Variants in PDLIM5 observed in about 807,000 individuals in gnomAD.
PDLIM5 encodes PDZ and LIM domain 5, also known as PDZ and LIM domain protein 5.
In PDLIM5, 34 loss-of-function variants were observed where a neutral mutation model predicts 64.2. The observed-to-expected ratio is 0.53, with a 90% confidence interval of 0.40 to 0.71. The LOEUF (loss-of-function observed/expected upper bound fraction) is 0.71. Among genes scored for constraint, PDLIM5 ranks in the 30% least tolerant of loss-of-function variants. The probability of loss-of-function intolerance (pLI) is 0.00; values close to 1 mark genes in which losing one functional copy is unlikely to be tolerated. For missense variants in PDLIM5, 683 were observed against 733.6 expected (o/e 0.93, Z 0.80); for synonymous variants, 253 against 269.1 (o/e 0.94, Z 0.59).
intron 3 of PDLIM5, among the ~76,000 whole-genome samples, chr4:94,568,103 G>A (rs1473655404): frequency 6.6e-6 from 1 of 152,204 alleles, no homozygotes; most frequent in Admixed American, 6.5e-5. Context: ...AAAGAGGCAT[G>A]GTCATGTAGA....
chr4:94,638,129 TA>T (rs1422586668), intron 8 of PDLIM5, among the ~76,000 whole-genome samples: 1 of 152,156 alleles, frequency 6.6e-6, no homozygotes, highest in Non-Finnish European at 1.5e-5. Context: ...TTAAAGATAA[TA>T]ACAGGTGTTA....
intron 3 of PDLIM5, among the ~76,000 whole-genome samples, chr4:94,540,369 C>T (rs1578336446): frequency 6.6e-6 from 1 of 152,206 alleles, no homozygotes; most frequent in South Asian, 2.1e-4. Context: ...CCGCCCGCCT[C>T]GGCCTCCCGA....
At chr4:94,460,641 A>C (rs937816782) in intron 2 of PDLIM5, among the ~76,000 whole-genome samples, 19 of 152,020 alleles carry the variant, frequency 1.2e-4, no homozygotes, top group African/African-American at 4.1e-4. Context: ...AAGAAAAAAA[A>C]AAAGGTAAGA....
At chr4:94,580,992 A>G (rs970777147) in intron 5 of PDLIM5, among the ~76,000 whole-genome samples, 30 of 152,132 alleles carry the variant, frequency 2.0e-4, no homozygotes, top group African/African-American at 7.2e-4. Context: ...ATAAACCTGT[A>G]TTTGTGTAGT....
chr4:94,514,414 G>A (rs1035564020), intron 2 of PDLIM5, among the ~76,000 whole-genome samples: 6 of 152,050 alleles, frequency 3.9e-5, no homozygotes, highest in South Asian at 2.1e-4. Context: ...GATTACAGGC[G>A]TGAGCCACTT....
intron 3 of PDLIM5, among the ~76,000 whole-genome samples, chr4:94,566,438 CAGAAAT>C (rs1284726528): frequency 6.6e-5 from 10 of 152,098 alleles, no homozygotes. Context: ...AGTATATAAT[CAGAAAT>C]AGAATAATTT....
At chr4:94,479,543 C>G (rs1334314974) in intron 2 of PDLIM5, among the ~76,000 whole-genome samples, 1 of 151,316 alleles carries the variant, frequency 6.6e-6, no homozygotes, top group African/African-American at 2.4e-5. Flanking sequence ...GTTGCCCAGT[C>G]TGGTCTCAAA....
chr4:94,511,251 A>G (rs1172498484), intron 2 of PDLIM5, among the ~76,000 whole-genome samples: 2 of 152,230 alleles, frequency 1.3e-5, no homozygotes, highest in Middle Eastern at 3.2e-3. Context: ...AATGGCCACA[A>G]ATATTCTGGC....
At chr4:94,629,848 C>T (rs550958054) in intron 8 of PDLIM5, among the ~76,000 whole-genome samples, 2 of 152,256 alleles carry the variant, frequency 1.3e-5, no homozygotes, top group East Asian at 3.9e-4. Flanking sequence ...ACAATCGTCT[C>T]CAGAATGTAC....
intron 2 of PDLIM5, among the ~76,000 whole-genome samples, chr4:94,510,949 C>T (rs967543458): frequency 2.6e-5 from 4 of 152,092 alleles, no homozygotes; most frequent in African/African-American, 7.2e-5. Context: ...AAATTTGTTG[C>T]CCACATGAAA....
Position 94,666,284 on chromosome 4 carries a change from T to G in PDLIM5, c.*2217T>G. 3 of 363,368 alleles carry G rather than the reference T, an allele frequency of 8.3e-6. 1 individual carries two copies. Among genetic ancestry groups the G allele is most frequent in the Non-Finnish European group, 1.5e-5 (3 of 203,752 alleles). The allele number at this position is 363,368 out of a possible 1,614,324, so 22.5% of individuals were successfully genotyped here. On this transcript the variant is annotated 3_prime_UTR_variant, in exon 13 of 13. Transcript: ENST00000317968. Reference sequence around the variant, plus strand: ...ATTTATATTATATGCAGATAATAATTAACTGGGGATAAAAGAATGGCAAGG... The same window carrying G: ...ATTTATATTATATGCAGATAATAATGAACTGGGGATAAAAGAATGGCAAGG...
intron 2 of PDLIM5, among the ~76,000 whole-genome samples, chr4:94,480,807 G>A (rs1211878192): frequency 6.6e-6 from 1 of 152,164 alleles, no homozygotes; most frequent in Admixed American, 6.5e-5. Flanking sequence ...GAAAAGATAT[G>A]AGTGAGGAGA....
At chr4:94,457,362 G>A (rs570527431) in intron 2 of PDLIM5, among the ~76,000 whole-genome samples, 1 of 152,218 alleles carries the variant, frequency 6.6e-6, no homozygotes, top group African/African-American at 2.4e-5. Flanking sequence ...TAAATGTAAA[G>A]CATCCATGTG....
chr4:94,605,336 A>C (rs1737827024), intron 7 of PDLIM5, among the ~76,000 whole-genome samples: 1 of 152,086 alleles, frequency 6.6e-6, no homozygotes, highest in Admixed American at 6.5e-5. Context: ...TCCGTAATGA[A>C]CAAGTGCAGA....
chr4:94,579,666 T>C (rs1022891884), intron 5 of PDLIM5: 10 of 446,104 alleles, frequency 2.2e-5, no homozygotes, highest in South Asian at 5.4e-5. Flanking sequence ...CCACATTTAG[T>C]ATTTTCAGTA....
intron 3 of PDLIM5, among the ~76,000 whole-genome samples, chr4:94,524,166 T>C (rs1355283619): frequency 2.6e-5 from 4 of 151,852 alleles, no homozygotes; most frequent in Non-Finnish European, 5.9e-5. Flanking sequence ...GCTAAGGAGT[T>C]TGAGACCAGC....
chr4:94,558,171 G>A (rs1733524221), intron 3 of PDLIM5, among the ~76,000 whole-genome samples: 1 of 152,162 alleles, frequency 6.6e-6, no homozygotes, highest in South Asian at 2.1e-4. Flanking sequence ...TAATCTTGTG[G>A]TTTTTGTCTT....
intron 3 of PDLIM5, among the ~76,000 whole-genome samples, chr4:94,529,420 A>T (rs1342762610): frequency 6.6e-6 from 1 of 152,044 alleles, no homozygotes; most frequent in Non-Finnish European, 1.5e-5. Flanking sequence ...TGTTTTGTTA[A>T]TTTTTTTGCA....
In PDLIM5 at chr4:94,543,567, C is replaced by T. The variant is rs530735801; in HGVS notation, c.248+19692C>T. 7.2e-4 allele frequency among the ~76,000 whole-genome samples: 109 copies of T among 152,168 alleles called. 1 individual carries two copies. In the South Asian group the frequency reaches 0.022, roughly 31 times the overall value. On this transcript the variant is annotated intron_variant, in intron 3 of 12. Transcript: ENST00000317968. The stretch of plus-strand genomic sequence containing the variant: ...CTCCTACCTAACTGAAATTTCATAT[C>T]CTTTGACCAACATCTCCCCAGCCCA...
Sources: allele counts gnomAD v4.1 joint callset (sites outside exome capture counted in the v4.1 genomes callset), GRCh38; gene constraint gnomAD v4.1.1; transcripts MANE v1.5; gene names NCBI Gene and HGNC (gene_info 2026-07-23, HGNC 2026-07-21).